MAP4: variants seen among roughly 807,000 people sequenced by gnomAD.
MAP4 encodes microtubule associated protein 4.
A neutral mutation model predicts 170.2 loss-of-function variants in MAP4; 76 were observed. That is an observed-to-expected ratio of 0.45 (90% CI 0.37 to 0.54). The LOEUF (loss-of-function observed/expected upper bound fraction) is 0.54, where lower values mean the gene tolerates loss of function less well. MAP4 is among the 20% of genes least tolerant of loss of function. The pLI is 0.00. For missense variants in MAP4, 2,506 were observed against 2,748.0 expected, an observed-to-expected ratio of 0.91 and a Z score of 1.97; for synonymous variants, 909 against 994.5, an observed-to-expected ratio of 0.91 and a Z score of 1.62.
Position 47,870,818 on chromosome 3 carries a change from C to T in MAP4, c.6289G>A (p.Gly2097Ser), listed in dbSNP as rs774978999. 2 of 1,548,364 alleles carry T rather than the reference C, an allele frequency of 1.3e-6. No individual in the cohort carries two copies. The highest frequency in any genetic ancestry group is 1.9e-5 in the Admixed American group (1 of 52,560). Reference sequence around the variant, plus strand: ...CCCAAGCTCCCTGGACCCACCCGGCCTCCTCCAGGCTGATGCTTGATGTTT... The same window carrying T: ...CCCAAGCTCCCTGGACCCACCCGGCTTCCTCCAGGCTGATGCTTGATGTTT... ...TENIKHQPGG[G>S]RAKVEKKTEA... The change falls in exon 15 of 21, where the codon GGC (glycine) becomes AGC (serine). Residue 2097 changes from glycine to serine, a missense_variant. Gly to Ser is a moderately conservative substitution (Grantham distance 56). This residue lies in a region of MAP4 where 487 missense variants were observed against 511.6 expected (regional missense o/e 0.95). Transcript: ENST00000683076.
intron 10 of MAP4, among the ~76,000 whole-genome samples, chr3:47,897,944 G>T (rs1294076414): frequency 4.8e-5 from 7 of 146,758 alleles, no homozygotes; most frequent in East Asian, 3.9e-4. Context: ...TCCATATCGG[G>T]GGGGGGAAAA....
intron 1 of MAP4, among the ~76,000 whole-genome samples, chr3:48,056,615 TGG>T (rs1187791155): frequency 9.6e-6 from 1 of 104,396 alleles, no homozygotes; most frequent in Admixed American, 8.8e-5. Context: ...GGGAGGGAGG[TGG>T]GGGGGTCAGC....
intron 1 of MAP4, among the ~76,000 whole-genome samples, chr3:48,084,846 T>C (rs1346507851): frequency 6.6e-6 from 1 of 151,950 alleles, no homozygotes; most frequent in East Asian, 1.9e-4. Context: ...TCTCACTATG[T>C]TATCCAGGCT....
intron 10 of MAP4, among the ~76,000 whole-genome samples, chr3:47,880,637 CA>C (rs1009319324): frequency 6.6e-6 from 1 of 151,724 alleles, no homozygotes; most frequent in Non-Finnish European, 1.5e-5. Context: ...GAATAATTTA[CA>C]AAAAAAATTT....
chr3:47,875,535 C>A, intron 12 of MAP4, 150 bp downstream of exon 12: 2 of 760,684 alleles, frequency 2.6e-6, no homozygotes, highest in South Asian at 3.3e-5. Flanking sequence ...AGTAGCCATG[C>A]CAATTTTCAA....
At chr3:48,019,826 G>A (rs1289574078), upstream of MAP4, among the ~76,000 whole-genome samples, 3 of 152,100 alleles carry the variant, frequency 2.0e-5, no homozygotes, top group East Asian at 3.9e-4. Flanking sequence ...GCAGTGAGCC[G>A]TGATAGCACC....
chr3:47,877,633 A>ACT, intron 10 of MAP4, 110 bp from the exon 11 acceptor site: 1 of 671,936 alleles, frequency 1.5e-6, no homozygotes, highest in East Asian at 2.8e-5. Flanking sequence ...TCATTCTGAA[A>ACT]AAAGTCCACA....
chr3:47,957,260 T>C (rs1197633817), intron 3 of MAP4, among the ~76,000 whole-genome samples: 2 of 152,192 alleles, frequency 1.3e-5, no homozygotes, highest in Non-Finnish European at 2.9e-5. Context: ...CTCTGCCTTC[T>C]GGGTTCAAGT....
At chr3:47,854,090 G>T (rs181400490) in intron 19 of MAP4, among the ~76,000 whole-genome samples, 1 of 152,146 alleles carries the variant, frequency 6.6e-6, no homozygotes, top group African/African-American at 2.4e-5. Context: ...GTTTCTAATC[G>T]GCATAGTGAG....
chr3:47,966,660 A>G (rs973013428), intron 3 of MAP4, among the ~76,000 whole-genome samples: 30 of 152,256 alleles, frequency 2.0e-4, no homozygotes, highest in African/African-American at 7.0e-4. Flanking sequence ...GATTATTGGC[A>G]TAAACCACTG....
chr3:48,013,926 G>A (rs1294131842), intron 1 of MAP4, among the ~76,000 whole-genome samples: 1 of 152,122 alleles, frequency 6.6e-6, no homozygotes, highest in Non-Finnish European at 1.5e-5. Flanking sequence ...ACAGCACTTT[G>A]TATATCTGAT....
chr3:48,070,996 G>A (rs1286724712), intron 1 of MAP4, among the ~76,000 whole-genome samples: 1 of 152,098 alleles, frequency 6.6e-6, no homozygotes, highest in Non-Finnish European at 1.5e-5. Context: ...CTGCACTCCA[G>A]CCTGGGTGAC....
intron 1 of MAP4, among the ~76,000 whole-genome samples, chr3:48,063,635 G>A (rs2100137013): frequency 6.6e-6 from 1 of 151,896 alleles, no homozygotes; most frequent in South Asian, 2.1e-4. Flanking sequence ...AAATTGTAGT[G>A]TACCCAGACA....
At chr3:47,918,920 T>C (rs2100041185) in intron 5 of MAP4, 79 bp from the exon 6 acceptor site, 4 of 1,279,088 alleles carry the variant, frequency 3.1e-6, no homozygotes, top group Admixed American at 4.4e-5. Flanking sequence ...TATTTTTGTT[T>C]TGTTTTGTTT....
At chr3:48,040,986 C>A (rs975944080) in intron 1 of MAP4, among the ~76,000 whole-genome samples, 1 of 152,180 alleles carries the variant, frequency 6.6e-6, no homozygotes, top group African/African-American at 2.4e-5. Context: ...AGGTATAAGC[C>A]ACCATGCCCA....
intron 10 of MAP4, among the ~76,000 whole-genome samples, chr3:47,881,749 GCATGTGC>G (rs1321565318): frequency 6.6e-6 from 1 of 151,262 alleles, no homozygotes; most frequent in Admixed American, 6.6e-5. Context: ...AGGACCACAG[GCATGTGC>G]CACCATGCCT....
intron 1 of MAP4, among the ~76,000 whole-genome samples, chr3:48,086,958 G>T (rs903409445): frequency 1.3e-4 from 20 of 152,186 alleles, no homozygotes; most frequent in Non-Finnish European, 2.5e-4. Context: ...GAGAGACCTT[G>T]GTTTGGTTGG....
At chr3:47,920,928 C>T (rs956293971) in intron 5 of MAP4, among the ~76,000 whole-genome samples, 1 of 152,080 alleles carries the variant, frequency 6.6e-6, no homozygotes, top group Non-Finnish European at 1.5e-5. Flanking sequence ...GAGGCTGAAG[C>T]GGGTGGATCA....
At chr3:48,056,839 G>T (rs2100132150) in intron 1 of MAP4, among the ~76,000 whole-genome samples, 1 of 112,460 alleles carries the variant, frequency 8.9e-6, no homozygotes. Flanking sequence ...CGGGAGGGAG[G>T]TGGGGGGGGG....
Sources: allele counts gnomAD v4.1 joint callset (sites outside exome capture counted in the v4.1 genomes callset), GRCh38; gene constraint gnomAD v4.1.1; regional missense constraint gnomAD v4.1.1; transcripts MANE v1.5; gene names NCBI Gene and HGNC (gene_info 2026-07-23, HGNC 2026-07-21).